Variants in PARD3B observed in about 807,000 individuals in gnomAD.
PARD3B encodes the protein par-3 family cell polarity regulator beta.
PARD3B carries 103 observed loss-of-function variants against 130.2 expected under a neutral mutation model. The observed-to-expected ratio is 0.79, with a 90% CI of 0.67 to 0.93. The LOEUF is 0.93. PARD3B is among the 40% of genes least tolerant of loss of function. The pLI, the probability that PARD3B is intolerant of heterozygous loss-of-function variation, is 0.00. For synonymous variants in PARD3B, 583 were observed against 553.2 expected (o/e 1.05, Z -0.76); for missense variants, 1,609 against 1,499.2 (o/e 1.07, Z -1.21).
intron 3 of PARD3B, among the ~76,000 whole-genome samples, chr2:205,041,898 C>T (rs1698419650): frequency 6.6e-6 from 1 of 152,044 alleles, no homozygotes; most frequent in South Asian, 2.1e-4. Context: ...AACTGCCTAT[C>T]CTTCAAAACC....
At chr2:204,939,350 A>G (rs186267948) in intron 2 of PARD3B, among the ~76,000 whole-genome samples, 110 of 152,340 alleles carry the variant, frequency 7.2e-4, no homozygotes, top group Non-Finnish European at 1.1e-3. Flanking sequence ...ACCCAAATAT[A>G]ATAAAAAATG....
intron 18 of PARD3B, among the ~76,000 whole-genome samples, chr2:205,395,965 C>G (rs539467252): frequency 6.6e-6 from 1 of 152,320 alleles, no homozygotes; most frequent in South Asian, 2.1e-4. Flanking sequence ...CCACAAGCTT[C>G]TCTCACACCT....
intron 2 of PARD3B, among the ~76,000 whole-genome samples, chr2:204,838,371 G>A (rs2044134593): frequency 6.6e-6 from 1 of 151,512 alleles, no homozygotes; most frequent in Admixed American, 6.6e-5. Context: ...GTGTGTGTGT[G>A]TGTGTGTGTG....
At chr2:205,498,259 T>G (rs985771334) in intron 20 of PARD3B, among the ~76,000 whole-genome samples, 1 of 148,710 alleles carries the variant, frequency 6.7e-6, no homozygotes, top group African/African-American at 2.5e-5. Flanking sequence ...CCCAGTACTT[T>G]GGGAGGCCGA....
chr2:204,972,424 AT>A (rs1033899722), intron 3 of PARD3B, among the ~76,000 whole-genome samples: 1 of 151,828 alleles, frequency 6.6e-6, no homozygotes, highest in African/African-American at 2.4e-5. Flanking sequence ...TTGTATTTTC[AT>A]TTTTTTGTTT....
intron 2 of PARD3B, among the ~76,000 whole-genome samples, chr2:204,761,127 G>T (rs985601692): frequency 3.7e-4 from 57 of 152,176 alleles, no homozygotes; most frequent in African/African-American, 1.2e-3. Context: ...CTTGTTAGGG[G>T]TGGAGCTGGG....
intron 20 of PARD3B, among the ~76,000 whole-genome samples, chr2:205,459,853 A>T (rs113587513): frequency 6.7e-4 from 102 of 152,306 alleles, no homozygotes; most frequent in Non-Finnish European, 1.2e-3. Flanking sequence ...GGTCAACTTC[A>T]GACCTTTGTC....
intron 22 of PARD3B, among the ~76,000 whole-genome samples, chr2:205,612,923 A>T (rs2055286970): frequency 6.6e-6 from 1 of 152,190 alleles, no homozygotes; most frequent in Admixed American, 6.5e-5. Flanking sequence ...GTGGGAGAAG[A>T]GATAGCGACT....
rs3048084 is a variant in PARD3B, at chr2:205,296,663, ATGTGTGTGTG to A, written c.2186-3841_2186-3832del. Among the ~76,000 whole-genome samples, 65 of 138,026 alleles carry A rather than the reference ATGTGTGTGTG, an allele frequency of 4.7e-4. 1 individual carries two copies. The South Asian group carries it at 0.01, about 22-fold the overall frequency. The allele number at this position is 138,026 out of a possible 152,430, so 90.6% of individuals were successfully genotyped here. ...CTTTAGTCTTGGAGTGTGTTTGTGT[ATGTGTGTGTG>A]TGTGTGTGTGTGTGTGTGTGTGTGT... On this transcript the variant is annotated intron_variant, in intron 16 of 22. Coordinates refer to ENST00000406610, the MANE Select transcript of PARD3B (RefSeq NM_001302769.2).
At chr2:204,821,467 G>A (rs374419628) in intron 2 of PARD3B, among the ~76,000 whole-genome samples, 16 of 148,694 alleles carry the variant, frequency 1.1e-4, no homozygotes, top group African/African-American at 3.2e-4. Flanking sequence ...ACCAAACACC[G>A]CATATTCTCA....
At position 204,855,552 on chromosome 2, in the gene PARD3B, A is replaced by AAAAT. The variant is rs892814373; in HGVS notation, c.223-109599_223-109598insAATA. ...CAAGACTCCCTCTAAAAGAAAAAAA[A>AAAAT]ATATATATATATATATATATAAGGA... is the stretch of plus-strand genomic sequence containing the variant. On this transcript the variant is annotated intron_variant, in intron 2 of 22. Coordinates refer to ENST00000406610, the MANE Select transcript of PARD3B (RefSeq NM_001302769.2). 2.7e-4 allele frequency among the ~76,000 whole-genome samples: 38 copies of AAAAT among 143,150 alleles called. No homozygotes were observed. In the Middle Eastern group the frequency reaches 0.011, roughly 42 times the overall value. 93.9% of individuals were successfully genotyped at this position (143,150 alleles called of 152,430 possible). A position where few individuals can be genotyped will look rare whatever the true frequency, so the allele number is the denominator to read the frequency against.
rs1437050968 is a variant in PARD3B, at chr2:204,887,218, G to A, written c.223-77934G>A. ...TATTAAAGGAGTATTAGAATCCATA[G>A]TAGTATGTTTCCATCTCAGAACCCA... On this transcript the variant is annotated intron_variant, in intron 2 of 22. Transcript: ENST00000406610. This position sits in a 1 kb window ranked among gnomAD's most constrained non-coding sequence, Gnocchi z 4.2. 6.6e-6 allele frequency among the ~76,000 whole-genome samples: 1 copy of A among 152,168 alleles called. No individual in the cohort carries two copies. The highest frequency in any genetic ancestry group is 1.5e-5 in the Non-Finnish European group (1 of 68,028).
At chr2:205,399,329 T>C (rs547089471) in intron 18 of PARD3B, among the ~76,000 whole-genome samples, 16 of 151,940 alleles carry the variant, frequency 1.1e-4, no homozygotes, top group Non-Finnish European at 2.2e-4. Flanking sequence ...TTTGTTTTGT[T>C]TTGTTTTTTG....
chr2:205,148,291 A>T (rs1418755904), intron 10 of PARD3B, among the ~76,000 whole-genome samples: 1 of 152,166 alleles, frequency 6.6e-6, no homozygotes, highest in Non-Finnish European at 1.5e-5. Flanking sequence ...TAGTATAATA[A>T]AAATGATCCT....
intron 16 of PARD3B, among the ~76,000 whole-genome samples, chr2:205,295,509 A>G (rs759630397): frequency 3.3e-5 from 5 of 152,234 alleles, no homozygotes; most frequent in African/African-American, 7.2e-5. Context: ...TGTACAAATT[A>G]ATACATTATT....
intron 20 of PARD3B, among the ~76,000 whole-genome samples, chr2:205,454,858 G>A (rs2048217818): frequency 6.6e-6 from 1 of 152,098 alleles, no homozygotes. Context: ...TTAAGGTGTA[G>A]TCACATCTTA....
intron 18 of PARD3B, among the ~76,000 whole-genome samples, chr2:205,343,094 G>C (rs1229062169): frequency 6.6e-6 from 1 of 152,104 alleles, no homozygotes; most frequent in Non-Finnish European, 1.5e-5. Flanking sequence ...TCTCAAGTCT[G>C]TTTATAATAA....
intron 2 of PARD3B, among the ~76,000 whole-genome samples, chr2:204,855,552 AAT>A (rs1553540278): frequency 0.01 from 1,494 of 143,104 alleles, 21 homozygotes; most frequent in African/African-American, 0.036. Context: ...AAGAAAAAAA[AAT>A]ATATATATAT....
chr2:204,793,186 TC>T (rs1480444203), intron 2 of PARD3B, among the ~76,000 whole-genome samples: 1 of 152,180 alleles, frequency 6.6e-6, no homozygotes, highest in African/African-American at 2.4e-5. Context: ...CTCTTTTTTT[TC>T]CTCTTTGACA....
Sources: allele counts gnomAD v4.1 joint callset (sites outside exome capture counted in the v4.1 genomes callset), GRCh38; gene constraint gnomAD v4.1.1; non-coding constraint Gnocchi (gnomAD v3.1); transcripts MANE v1.5; gene names NCBI Gene and HGNC (gene_info 2026-07-23, HGNC 2026-07-21).